HMGCLL1: variants seen among roughly 807,000 people sequenced by gnomAD.
HMGCLL1 encodes 3-hydroxymethyl-3-methylglutaryl-CoA lyase, cytoplasmic.
HMGCLL1 carries 36 observed loss-of-function variants against 39.1 expected under a neutral mutation model. That is an observed-to-expected ratio of 0.92 (90% CI 0.71 to 1.22). HMGCLL1 has a LOEUF of 1.22. HMGCLL1 is among the 50% of genes most tolerant of loss of function. The pLI, the probability that HMGCLL1 is intolerant of heterozygous loss-of-function variation, is 0.00. For missense variants in HMGCLL1, 451 were observed against 416.5 expected (o/e 1.08, Z -0.72); for synonymous variants, 149 against 144.0 (o/e 1.03, Z -0.25).
At chr6:55,625,483 A>G in the HMGCLL1 span, among the ~76,000 whole-genome samples, 1 of 152,128 alleles carries the variant, frequency 6.6e-6, no homozygotes, top group Non-Finnish European at 1.5e-5. Flanking sequence ...CAGTTGACAG[A>G]GGAAGAGAAG....
intron 1 of HMGCLL1, among the ~76,000 whole-genome samples, chr6:55,565,770 T>C (rs1771180913): frequency 6.6e-6 from 1 of 152,064 alleles, no homozygotes; most frequent in African/African-American, 2.4e-5. Flanking sequence ...AATATTAAAA[T>C]ACGGTCATAA....
chr6:55,644,660 T>C, the HMGCLL1 span, among the ~76,000 whole-genome samples: 104 of 152,180 alleles, frequency 6.8e-4, no homozygotes, highest in African/African-American at 2.4e-3. Flanking sequence ...AGGCTATGTT[T>C]TCCCCAATGT....
the HMGCLL1 span, among the ~76,000 whole-genome samples, chr6:55,595,412 G>A: frequency 6.6e-6 from 1 of 152,250 alleles, no homozygotes; most frequent in South Asian, 2.1e-4. Flanking sequence ...TCTGTAAAAG[G>A]TGACATATAT....
intron 5 of HMGCLL1, among the ~76,000 whole-genome samples, chr6:55,501,467 T>G (rs1308459594): frequency 6.6e-6 from 1 of 151,852 alleles, no homozygotes; most frequent in African/African-American, 2.4e-5. Flanking sequence ...AAAAAGGTTG[T>G]CAACTCTTTC....
At chr6:55,550,971 G>A (rs1770295136) in intron 1 of HMGCLL1, among the ~76,000 whole-genome samples, 1 of 150,038 alleles carries the variant, frequency 6.7e-6, no homozygotes, top group South Asian at 2.1e-4. Flanking sequence ...TCATCAATTA[G>A]CTTTGGTTAG....
intron 3 of HMGCLL1, among the ~76,000 whole-genome samples, chr6:55,523,697 C>A (rs1768157590): frequency 6.6e-6 from 1 of 151,888 alleles, no homozygotes; most frequent in African/African-American, 2.4e-5. Context: ...CATATTACAA[C>A]TCACTGTAGA....
chr6:55,438,944 T>G (rs1338811983), intron 8 of HMGCLL1, among the ~76,000 whole-genome samples: 2 of 152,048 alleles, frequency 1.3e-5, no homozygotes, highest in Non-Finnish European at 2.9e-5. Flanking sequence ...AGACTATTCT[T>G]GCCATCCAGT....
chr6:55,528,343 C>T (rs919048918), intron 3 of HMGCLL1, among the ~76,000 whole-genome samples: 5 of 152,018 alleles, frequency 3.3e-5, no homozygotes, highest in African/African-American at 1.2e-4. Flanking sequence ...ACTCAAAACT[C>T]AATTTGAGCA....
chr6:55,482,488 A>G (rs1239264590), intron 7 of HMGCLL1, among the ~76,000 whole-genome samples: 1 of 152,144 alleles, frequency 6.6e-6, no homozygotes, highest in East Asian at 1.9e-4. Flanking sequence ...AAGGTCTGTT[A>G]TCTATAAAGC....
chr6:55,520,412 CT>C lies in HMGCLL1; in HGVS notation c.298-3810del, dbSNP rs1767979874. On this transcript the variant is annotated intron_variant, in intron 3 of 8. Coordinates refer to ENST00000274901, the MANE Select transcript of HMGCLL1 (RefSeq NM_001042406.2). ...AAAGTAGAATCCAAAAAAATCACTA[CT>C]TTTACATTTTTAAAAGTGCTCACAA... Among the ~76,000 whole-genome samples, 6 of 151,952 alleles carry C rather than the reference CT, an allele frequency of 3.9e-5. No individual in the cohort carries two copies. The South Asian group carries it at 1.2e-3, about 32-fold the overall frequency.
the HMGCLL1 span, among the ~76,000 whole-genome samples, chr6:55,589,472 T>C: frequency 2.0e-5 from 3 of 152,140 alleles, no homozygotes. Context: ...ACTGGAAGCA[T>C]TCCCTTTGAA....
chr6:55,605,091 C>T, the HMGCLL1 span, among the ~76,000 whole-genome samples: 1 of 152,186 alleles, frequency 6.6e-6, no homozygotes, highest in Admixed American at 6.5e-5. Flanking sequence ...ACTGGGAAGG[C>T]AGACAGCCTT....
At chr6:55,605,271 G>A in the HMGCLL1 span, among the ~76,000 whole-genome samples, 1 of 152,124 alleles carries the variant, frequency 6.6e-6, no homozygotes, top group Non-Finnish European at 1.5e-5. Context: ...TTAGGCTTAC[G>A]TTACACTCCG....
At chr6:55,603,891 C>T in the HMGCLL1 span, among the ~76,000 whole-genome samples, 6 of 152,042 alleles carry the variant, frequency 3.9e-5, no homozygotes, top group South Asian at 8.3e-4. Flanking sequence ...GTGGTTTTCT[C>T]GCATATTGAA....
intron 1 of HMGCLL1, among the ~76,000 whole-genome samples, chr6:55,575,665 T>C (rs1050447010): frequency 1.3e-5 from 2 of 152,188 alleles, no homozygotes; most frequent in Admixed American, 6.5e-5. Flanking sequence ...GATTCAACAA[T>C]AGAGAATTAG....
chr6:55,619,064 G>A, the HMGCLL1 span, among the ~76,000 whole-genome samples: 1 of 152,042 alleles, frequency 6.6e-6, no homozygotes, highest in Non-Finnish European at 1.5e-5. Flanking sequence ...TCCCTGGATG[G>A]TAGAAATTGT....
At chr6:55,640,982 G>C in the HMGCLL1 span, among the ~76,000 whole-genome samples, 1 of 151,732 alleles carries the variant, frequency 6.6e-6, no homozygotes, top group Non-Finnish European at 1.5e-5. Flanking sequence ...ATTGATGAAA[G>C]AGTGGGTGAA....
the HMGCLL1 span, among the ~76,000 whole-genome samples, chr6:55,617,423 T>G: frequency 1.3e-5 from 2 of 152,008 alleles, no homozygotes; most frequent in African/African-American, 4.8e-5. Context: ...TTGGGAACCA[T>G]GCTAAATGAA....
At chr6:55,487,498 C>T (rs575385591) in intron 7 of HMGCLL1, among the ~76,000 whole-genome samples, 1 of 152,046 alleles carries the variant, frequency 6.6e-6, no homozygotes, top group South Asian at 2.1e-4. Flanking sequence ...TTCCTGTGTC[C>T]ATGTGTTCTC....
Sources: allele counts gnomAD v4.1 joint callset (sites outside exome capture counted in the v4.1 genomes callset), GRCh38; gene constraint gnomAD v4.1.1; transcripts MANE v1.5; gene names NCBI Gene and HGNC (gene_info 2026-07-23, HGNC 2026-07-21).